LRP1B: variants seen among roughly 807,000 people sequenced by gnomAD.
The protein encoded by LRP1B is low-density lipoprotein receptor-related protein 1B.
Under a neutral mutation model 556.6 loss-of-function variants are expected in LRP1B, and 217 were observed. The ratio of observed to expected loss-of-function variants is 0.39; its 90% CI spans 0.35 to 0.44. The LOEUF (loss-of-function observed/expected upper bound fraction) is 0.44. LRP1B is among the 20% of genes least tolerant of loss of function. The pLI, the probability that LRP1B is intolerant of heterozygous loss-of-function variation, is 1.00. For missense variants in LRP1B, 5,053 were observed against 5,620.8 expected (o/e 0.90, Z 3.23); for synonymous variants, 2,047 against 1,865.8 (o/e 1.10, Z -2.50).
intron 27 of LRP1B, among the ~76,000 whole-genome samples, chr2:140,852,065 C>T (rs138040916): frequency 1.9e-4 from 29 of 152,296 alleles, no homozygotes; most frequent in African/African-American, 6.0e-4. Context: ...TGGTTGCTCA[C>T]GCCTGTCATC....
At chr2:140,517,065 G>C in intron 49 of LRP1B, 54 bp from the exon 50 acceptor site, 1 of 1,319,454 alleles carries the variant, frequency 7.6e-7, no homozygotes, top group Non-Finnish European at 1.1e-6. Context: ...CTGAAATATA[G>C]GTAGATAAAT....
intron 3 of LRP1B, among the ~76,000 whole-genome samples, chr2:141,476,896 G>C (rs1174228113): frequency 6.6e-6 from 1 of 152,168 alleles, no homozygotes; most frequent in African/African-American, 2.4e-5. Flanking sequence ...TGCTGAGGCG[G>C]GTGGATCACC....
chr2:140,856,063 T>A (rs1043139770), intron 27 of LRP1B, among the ~76,000 whole-genome samples: 6 of 152,202 alleles, frequency 3.9e-5, no homozygotes, highest in African/African-American at 1.4e-4. Context: ...TGGTACATTG[T>A]GATACTGTCC....
chr2:142,045,142 GAAA>G (rs34255275), intron 1 of LRP1B, among the ~76,000 whole-genome samples: 4,260 of 145,162 alleles, frequency 0.029, 105 homozygotes, highest in African/African-American at 0.058. Context: ...ACCCAAGGGG[GAAA>G]AAAAAAAAAA....
intron 14 of LRP1B, among the ~76,000 whole-genome samples, chr2:141,007,493 G>T (rs1168883032): frequency 2.0e-5 from 3 of 151,392 alleles, no homozygotes; most frequent in Non-Finnish European, 3.0e-5. Context: ...CTAATACAGG[G>T]TTTTTTTAAT....
intron 76 of LRP1B, among the ~76,000 whole-genome samples, chr2:140,351,392 C>T (rs1239690953): frequency 6.6e-6 from 1 of 151,978 alleles, no homozygotes; most frequent in African/African-American, 2.4e-5. Flanking sequence ...GTTGTATACT[C>T]ATTAAGCTTC....
chr2:141,492,824 G>A (rs553273513), intron 2 of LRP1B, among the ~76,000 whole-genome samples: 1 of 152,244 alleles, frequency 6.6e-6, no homozygotes, highest in South Asian at 2.1e-4. Context: ...CATTGGTAAA[G>A]TATATGCATT....
chr2:140,501,932 G>GT, intron 54 of LRP1B, 58 bp from the exon 55 acceptor site: 1 of 1,235,120 alleles, frequency 8.1e-7, no homozygotes, highest in South Asian at 1.6e-5. Flanking sequence ...TTATACTACA[G>GT]TTGTTGAAAA....
At chr2:141,943,934 A>G (rs1201418594) in intron 1 of LRP1B, among the ~76,000 whole-genome samples, 2 of 152,158 alleles carry the variant, frequency 1.3e-5, no homozygotes, top group African/African-American at 4.8e-5. Context: ...AAAGCGATAG[A>G]GGGGTTCCTG....
At chr2:142,056,717 C>A (rs1377020346) in intron 1 of LRP1B, among the ~76,000 whole-genome samples, 1 of 151,272 alleles carries the variant, frequency 6.6e-6, no homozygotes, top group African/African-American at 2.4e-5. Flanking sequence ...AGGGCCCATT[C>A]AGTGGGCAAA....
intron 7 of LRP1B, among the ~76,000 whole-genome samples, chr2:141,115,368 T>C (rs1337458026): frequency 6.6e-6 from 1 of 152,120 alleles, no homozygotes; most frequent in Non-Finnish European, 1.5e-5. Flanking sequence ...CTACTGCTAC[T>C]AATTTTCTGA....
intron 1 of LRP1B, among the ~76,000 whole-genome samples, chr2:142,115,575 TA>T: frequency 2.1e-5 from 1 of 48,332 alleles, no homozygotes; most frequent in Non-Finnish European, 3.9e-5. Context: ...ATATATATTA[TA>T]TATGTAATAT....
intron 6 of LRP1B, among the ~76,000 whole-genome samples, chr2:141,189,167 GATTA>G (rs1681388306): frequency 6.6e-6 from 1 of 152,016 alleles, no homozygotes; most frequent in Non-Finnish European, 1.5e-5. Context: ...CTCAAGGACT[GATTA>G]ATTAATTCTC....
In LRP1B at chr2:140,898,620, C is replaced by T. The variant is rs183315179; in HGVS notation, c.3766+4300G>A. The T allele has an allele frequency of 7.1e-5, 25 of 353,702 alleles. No individual in the cohort carries two copies. The East Asian group carries it at 1.5e-3, about 21-fold the overall frequency. 21.9% of individuals were successfully genotyped at this position (353,702 alleles called of 1,614,324 possible). A position where few individuals can be genotyped will look rare whatever the true frequency, so the allele number is the denominator to read the frequency against. ...TACAAAAGTTCACTCTGTTGAAGAA[C>T]CTCCCCCTGAACAACATAAACTGGT... On this transcript the variant is annotated intron_variant, in intron 23 of 90. Coordinates refer to ENST00000389484, the MANE Select transcript of LRP1B (RefSeq NM_018557.3).
At chr2:141,244,221 CA>C (rs1405051790) in intron 5 of LRP1B, among the ~76,000 whole-genome samples, 2 of 152,158 alleles carry the variant, frequency 1.3e-5, no homozygotes, top group African/African-American at 4.8e-5. Context: ...ACTGTCTTTG[CA>C]AAATCATATT....
intron 60 of LRP1B, among the ~76,000 whole-genome samples, chr2:140,466,653 T>C (rs1035823640): frequency 1.3e-5 from 2 of 152,206 alleles, no homozygotes; most frequent in African/African-American, 2.4e-5. Context: ...GTTAAGAGTA[T>C]AATTTTTTCC....
chr2:141,443,325 T>C (rs749888083), intron 3 of LRP1B, among the ~76,000 whole-genome samples: 6 of 152,240 alleles, frequency 3.9e-5, no homozygotes, highest in Non-Finnish European at 8.8e-5. Context: ...AGATTCTGTA[T>C]ATTAGCACTT....
At chr2:140,770,777 T>C (rs1689282203) in intron 34 of LRP1B, 104 bp downstream of exon 34, 2 of 909,888 alleles carry the variant, frequency 2.2e-6, no homozygotes, top group Middle Eastern at 2.4e-4. Flanking sequence ...AACTAGTTAA[T>C]TTTTTTCTAA....
intron 2 of LRP1B, among the ~76,000 whole-genome samples, chr2:141,619,827 G>A (rs1688438782): frequency 6.6e-6 from 1 of 152,166 alleles, no homozygotes; most frequent in South Asian, 2.1e-4. Flanking sequence ...AATACCTTCT[G>A]ATAGAACTGT....
Sources: allele counts gnomAD v4.1 joint callset (sites outside exome capture counted in the v4.1 genomes callset), GRCh38; gene constraint gnomAD v4.1.1; transcripts MANE v1.5; gene names NCBI Gene and HGNC (gene_info 2026-07-23, HGNC 2026-07-21).